The following KCNN1 variants were observed in gnomAD, a reference collection of about 807,000 sequenced individuals.
The protein encoded by KCNN1 is small conductance calcium-activated potassium channel protein 1.
A neutral mutation model predicts 44.7 loss-of-function variants in KCNN1; 20 were observed. The observed-to-expected ratio is 0.45, with a 90% CI of 0.32 to 0.65. The LOEUF (loss-of-function observed/expected upper bound fraction) is 0.65. Among genes scored for constraint, KCNN1 ranks in the 30% least tolerant of loss-of-function variants. The probability of loss-of-function intolerance (pLI) is 0.05; values close to 1 mark genes in which losing one functional copy is unlikely to be tolerated. For missense variants in KCNN1, 632 were observed against 785.3 expected, an observed-to-expected ratio of 0.80 and a Z score of 2.33; for synonymous variants, 324 against 341.7, an observed-to-expected ratio of 0.95 and a Z score of 0.57.
chr19:17,981,581 GAA>G, intron 3 of KCNN1, 126 bp from the exon 4 acceptor site: 1 of 672,498 alleles, frequency 1.5e-6, no homozygotes, highest in Non-Finnish European at 2.4e-6. Flanking sequence ...AAGAAAGAAA[GAA>G]AGAAAAATCC....
chr19:17,978,058 A>T (rs962986048), intron 3 of KCNN1, among the ~76,000 whole-genome samples: 2 of 151,964 alleles, frequency 1.3e-5, no homozygotes, highest in Non-Finnish European at 2.9e-5. Flanking sequence ...AGGTGTACTA[A>T]ATCCCACTGA....
intron 1 of KCNN1, among the ~76,000 whole-genome samples, chr19:17,954,188 A>T (rs891210749): frequency 3.3e-5 from 5 of 152,206 alleles, no homozygotes; most frequent in Admixed American, 6.5e-5. Context: ...GCCAGAGCGC[A>T]GATCTGCTGT....
At chr19:17,958,943 A>G (rs951111054) in intron 2 of KCNN1, among the ~76,000 whole-genome samples, 1 of 148,310 alleles carries the variant, frequency 6.7e-6, no homozygotes, top group Non-Finnish European at 1.5e-5. Flanking sequence ...TTCGTGATCC[A>G]CCCGCCTCGG....
chr19:17,977,079 G>C (rs2032232016), intron 3 of KCNN1, among the ~76,000 whole-genome samples: 1 of 152,002 alleles, frequency 6.6e-6, no homozygotes, highest in Non-Finnish European at 1.5e-5. Flanking sequence ...TGAAAGTCTG[G>C]AGTATAGAAG....
At chr19:17,982,210 C>G (rs531316248) in intron 4 of KCNN1, 83 bp downstream of exon 4, 90 of 1,176,842 alleles carry the variant, frequency 7.6e-5, no homozygotes, top group Non-Finnish European at 8.1e-6. Context: ...TTTCACCGAC[C>G]CTGGGCCCCT....
intron 5 of KCNN1, among the ~76,000 whole-genome samples, chr19:17,986,278 G>A (rs2032591607): frequency 1.3e-5 from 2 of 151,954 alleles, no homozygotes; most frequent in Admixed American, 1.3e-4. Context: ...CATGAGAATT[G>A]CTTGAACCCA....
upstream of KCNN1, among the ~76,000 whole-genome samples, chr19:17,965,134 G>T (rs1008317004): frequency 6.6e-6 from 1 of 151,900 alleles, no homozygotes; most frequent in Non-Finnish European, 1.5e-5. Context: ...GTTTGGTGGT[G>T]CACGCCTGTA....
At chr19:17,960,334 A>G (rs549185448) in intron 2 of KCNN1, among the ~76,000 whole-genome samples, 1 of 152,078 alleles carries the variant, frequency 6.6e-6, no homozygotes, top group South Asian at 2.1e-4. Flanking sequence ...GATGACTTAC[A>G]ACCACACAAA....
At chr19:17,968,932 T>A (rs903948847) in intron 1 of KCNN1, among the ~76,000 whole-genome samples, 13 of 152,144 alleles carry the variant, frequency 8.5e-5, no homozygotes, top group African/African-American at 3.1e-4. Context: ...GCTGAAGTGA[T>A]CTCCTGCCTT....
chr19:17,956,679 G>A (rs2145898977), intron 2 of KCNN1, among the ~76,000 whole-genome samples: 1 of 152,050 alleles, frequency 6.6e-6, no homozygotes, highest in East Asian at 1.9e-4. Flanking sequence ...CCAAGAGGTC[G>A]AGGATACAGT....
intron 1 of KCNN1, among the ~76,000 whole-genome samples, chr19:17,967,760 C>T (rs1161688398): frequency 2.6e-5 from 4 of 152,022 alleles, no homozygotes; most frequent in Non-Finnish European, 4.4e-5. Context: ...ACAGAAGTCC[C>T]GGACCCAGCT....
At chr19:17,982,284 C>G (rs2032445554) in intron 4 of KCNN1, among the ~76,000 whole-genome samples, 157 bp downstream of exon 4, 1 of 152,004 alleles carries the variant, frequency 6.6e-6, no homozygotes, top group South Asian at 2.1e-4. Context: ...TCCTGTCTTC[C>G]AGTTTGTGGC....
chr19:17,955,037 C>CA (rs34300645), intron 2 of KCNN1, among the ~76,000 whole-genome samples: 37,892 of 96,502 alleles, frequency 0.39, 6,282 homozygotes, highest in East Asian at 0.52. Flanking sequence ...AGCTCTGTTT[C>CA]AAAAAAAAAA....
intron 1 of KCNN1, among the ~76,000 whole-genome samples, chr19:17,968,142 A>G (rs1030544300): frequency 6.6e-6 from 1 of 151,724 alleles, no homozygotes; most frequent in Non-Finnish European, 1.5e-5. Context: ...CAACCTCAGC[A>G]GGGACACCCG....
Position 17,998,097 on chromosome 19 carries a change from C to G in KCNN1, c.1378-55C>G. ...TCTGTCATTGGTGTCGTGGTATCGT[C>G]CTTTCCTCTCTCACTCAGCGGCGCC... is the stretch of plus-strand genomic sequence containing the variant. On this transcript the variant is annotated intron_variant, in intron 9 of 9. Transcript: ENST00000684775. The surrounding 1 kb of genome is among the most constrained non-coding windows in gnomAD (Gnocchi z 5.4). 5 of 1,502,180 alleles carry G rather than the reference C, an allele frequency of 3.3e-6. No individual in the cohort carries two copies. The highest frequency in any genetic ancestry group is 3.6e-6 in the Non-Finnish European group (4 of 1,125,184). The allele number at this position is 1,502,180 out of a possible 1,614,324, so 93.1% of individuals were successfully genotyped here.
upstream of KCNN1, among the ~76,000 whole-genome samples, chr19:17,963,601 C>T (rs990937393): frequency 6.6e-6 from 1 of 152,166 alleles, no homozygotes; most frequent in African/African-American, 2.4e-5. Flanking sequence ...TAGGCATGAG[C>T]CACCACACCC....
At chr19:17,994,755 C>T (rs762273787) in intron 9 of KCNN1, among the ~76,000 whole-genome samples, 2 of 152,096 alleles carry the variant, frequency 1.3e-5, no homozygotes, top group Admixed American at 6.5e-5. Flanking sequence ...TGTTGGCCAG[C>T]CTGGTCTCGA....
intron 5 of KCNN1, among the ~76,000 whole-genome samples, chr19:17,985,745 G>A (rs1267803264): frequency 6.6e-6 from 1 of 152,214 alleles, no homozygotes; most frequent in Non-Finnish European, 1.5e-5. Context: ...TCTGACCAGA[G>A]AGTCACTGTC....
chr19:17,955,630 A>C (rs577518209), intron 2 of KCNN1, among the ~76,000 whole-genome samples: 1 of 151,312 alleles, frequency 6.6e-6, no homozygotes, highest in South Asian at 2.1e-4. Flanking sequence ...CATATATATC[A>C]TGATGATGAT....
Sources: gnomAD v4.1 joint callset for allele counts (sites outside exome capture counted in the v4.1 genomes callset) on GRCh38, gnomAD v4.1.1 for gene constraint, Gnocchi (gnomAD v3.1) non-coding constraint, MANE v1.5 for transcripts, NCBI Gene and HGNC (gene_info 2026-07-23, HGNC 2026-07-21) for gene names.